Variants in TUSC3 observed in about 807,000 individuals in gnomAD.
The protein encoded by TUSC3 is dolichyl-diphosphooligosaccharide--protein glycosyltransferase subunit TUSC3.
TUSC3 carries 45 observed loss-of-function variants against 44.8 expected under a neutral mutation model. The ratio of observed to expected loss-of-function variants is 1.00; its 90% confidence interval spans 0.79 to 1.29. The LOEUF is 1.29. Among genes scored for constraint, TUSC3 ranks in the 50% most tolerant of loss-of-function variants. The probability of loss-of-function intolerance (pLI) is 0.00; values close to 1 mark genes in which losing one functional copy is unlikely to be tolerated. For synonymous variants in TUSC3, 212 were observed against 152.9 expected (o/e 1.39, Z -2.85); for missense variants, 519 against 437.9 (o/e 1.19, Z -1.65).
At chr8:15,520,750 G>C (rs1267650618) in intron 2 of TUSC3, among the ~76,000 whole-genome samples, 1 of 152,128 alleles carries the variant, frequency 6.6e-6, no homozygotes, top group African/African-American at 2.4e-5. Flanking sequence ...TTACCCACAA[G>C]AAATTTCCTA....
At chr8:15,643,950 C>T (rs904794479) in intron 2 of TUSC3, among the ~76,000 whole-genome samples, 1 of 151,948 alleles carries the variant, frequency 6.6e-6, no homozygotes, top group East Asian at 1.9e-4. Context: ...ATTCATTTTA[C>T]GTATATAACT....
chr8:15,467,768 T>C (rs931718693), intron 1 of TUSC3, among the ~76,000 whole-genome samples: 5 of 152,188 alleles, frequency 3.3e-5, no homozygotes, highest in African/African-American at 4.8e-5. Context: ...TTACGTTTGT[T>C]CTCTGTCTTT....
At chr8:15,849,119 CAA>C in the TUSC3 span, among the ~76,000 whole-genome samples, 1 of 152,054 alleles carries the variant, frequency 6.6e-6, no homozygotes, top group Admixed American at 6.6e-5. Context: ...CTTAAAAAAT[CAA>C]AGATACTACA....
At chr8:15,836,120 A>G in the TUSC3 span, among the ~76,000 whole-genome samples, 1 of 150,398 alleles carries the variant, frequency 6.6e-6, no homozygotes, top group Non-Finnish European at 1.5e-5. Context: ...TTCTCATACT[A>G]TTGTTTAATT....
At chr8:15,627,040 TCTCACCCATGC>T (rs1805543005) in intron 2 of TUSC3, among the ~76,000 whole-genome samples, 1 of 152,120 alleles carries the variant, frequency 6.6e-6, no homozygotes. Context: ...TTTTTCCTAC[TCTCACCCATGC>T]ACCAGTCAGC....
At chr8:15,540,838 G>C (rs1801663396) in intron 1 of TUSC3, among the ~76,000 whole-genome samples, 1 of 152,212 alleles carries the variant, frequency 6.6e-6, no homozygotes, top group Non-Finnish European at 1.5e-5. Flanking sequence ...TTTATTCCCA[G>C]CTGGAAGCCC....
chr8:15,581,669 G>A (rs549924238), intron 1 of TUSC3, among the ~76,000 whole-genome samples: 11 of 149,190 alleles, frequency 7.4e-5, no homozygotes, highest in East Asian at 4.0e-4. Context: ...GAGGCAGTCT[G>A]CCCGTTCTCA....
intron 1 of TUSC3, among the ~76,000 whole-genome samples, chr8:15,421,503 G>A (rs1264472943): frequency 6.6e-6 from 1 of 152,096 alleles, no homozygotes; most frequent in Non-Finnish European, 1.5e-5. Context: ...TGCATTCCTA[G>A]TCTAGTCCCC....
At chr8:15,671,762 C>T (rs777392353) in intron 5 of TUSC3, among the ~76,000 whole-genome samples, 4 of 152,002 alleles carry the variant, frequency 2.6e-5, no homozygotes, top group Middle Eastern at 3.2e-3. Context: ...TTTTGTTCAT[C>T]GCTTTATCCT....
At chr8:15,418,169 T>C (rs547904921) in intron 1 of TUSC3, among the ~76,000 whole-genome samples, 10 of 152,318 alleles carry the variant, frequency 6.6e-5, no homozygotes, top group South Asian at 2.1e-4. Flanking sequence ...ACCTACTATG[T>C]AATTCATCAT....
chr8:15,839,674 G>T, the TUSC3 span, among the ~76,000 whole-genome samples: 2 of 152,148 alleles, frequency 1.3e-5, no homozygotes, highest in Non-Finnish European at 2.9e-5. Context: ...AAACCACAAT[G>T]AGATACCATC....
intron 1 of TUSC3, among the ~76,000 whole-genome samples, chr8:15,480,386 T>C (rs1800642082): frequency 6.6e-6 from 1 of 152,224 alleles, no homozygotes; most frequent in Admixed American, 6.5e-5. Context: ...TATACTTGAC[T>C]TTTCCTGGTT....
Position 15,755,464 on chromosome 8 carries a change from C to A in TUSC3, c.1029-2327C>A, listed in dbSNP as rs546697972. Among the ~76,000 whole-genome samples the A allele has an allele frequency of 9.9e-5, 15 of 152,162 alleles. 1 individual carries two copies. Among genetic ancestry groups the A allele is most frequent in the African/African-American group, 3.6e-4 (15 of 41,552 alleles). On this transcript the variant is annotated intron_variant, in intron 9 of 10. Transcript: ENST00000503731. ...ATTAAGTAGTTTTGTCTCATAGTTG[C>A]ATGATTCAGTTGAATGAAGAAAAGA...
chr8:15,469,088 A>G (rs1165788413), intron 1 of TUSC3, among the ~76,000 whole-genome samples: 1 of 152,154 alleles, frequency 6.6e-6, no homozygotes, highest in African/African-American at 2.4e-5. Flanking sequence ...TTCCCTGGAG[A>G]TAATGAGCTT....
At chr8:15,582,054 T>C (rs549824155) in intron 1 of TUSC3, among the ~76,000 whole-genome samples, 84 of 152,206 alleles carry the variant, frequency 5.5e-4, no homozygotes, top group Non-Finnish European at 9.1e-4. Context: ...AATATTCGGG[T>C]GGCAGTGACC....
chr8:15,469,520 CAACAG>C (rs1221775032), intron 1 of TUSC3, among the ~76,000 whole-genome samples: 1 of 152,134 alleles, frequency 6.6e-6, no homozygotes, highest in Non-Finnish European at 1.5e-5. Flanking sequence ...GAGTATGGAA[CAACAG>C]AAGTTCTTTC....
intron 1 of TUSC3, among the ~76,000 whole-genome samples, chr8:15,578,643 C>A (rs1050147359): frequency 3.2e-4 from 49 of 150,956 alleles, no homozygotes; most frequent in African/African-American, 1.1e-3. Flanking sequence ...ATTGAACCAG[C>A]CTTGTGTCCC....
At chr8:15,825,199 T>C in the TUSC3 span, among the ~76,000 whole-genome samples, 1 of 152,162 alleles carries the variant, frequency 6.6e-6, no homozygotes, top group Non-Finnish European at 1.5e-5. Context: ...AAGTACCTAC[T>C]ATGTTTTAGG....
chr8:15,692,619 C>G (rs1292045704), intron 6 of TUSC3, among the ~76,000 whole-genome samples: 1 of 150,134 alleles, frequency 6.7e-6, no homozygotes, highest in East Asian at 1.9e-4. Flanking sequence ...TCTAGGTTTT[C>G]TAGCTTGTGT....
Sources: gnomAD v4.1 joint callset for allele counts (sites outside exome capture counted in the v4.1 genomes callset) on GRCh38, gnomAD v4.1.1 for gene constraint, MANE v1.5 for transcripts, NCBI Gene and HGNC (gene_info 2026-07-23, HGNC 2026-07-21) for gene names.